Variants in USP9Y observed in about 807,000 individuals in gnomAD.
USP9Y encodes ubiquitin carboxyl-terminal hydrolase 9Y.
A neutral mutation model predicts 53.1 loss-of-function variants in USP9Y; 41 were observed. The observed-to-expected ratio is 0.77, with a 90% CI of 0.60 to 1.00. The LOEUF (loss-of-function observed/expected upper bound fraction) is 1.00, where lower values mean the gene tolerates loss of function less well. Among genes scored for constraint, USP9Y ranks in the 50% least tolerant of loss-of-function variants. USP9Y has a pLI of 0.00. For missense variants in USP9Y, 567 were observed against 535.8 expected, an observed-to-expected ratio of 1.06 and a Z score of -0.58; for synonymous variants, 220 against 173.7, an observed-to-expected ratio of 1.27 and a Z score of -2.09.
chrY:12,814,693 A>G, intron 31 of USP9Y, among the ~76,000 whole-genome samples: 2 of 32,898 alleles, frequency 6.1e-5, no homozygotes, highest in African/African-American at 2.4e-4. Context: ...CTATGCATTT[A>G]TATGTATGTA....
At chrY:12,776,946 A>G in intron 19 of USP9Y, 86 bp downstream of exon 19, 2 of 212,301 alleles carry the variant, frequency 9.4e-6, no homozygotes, top group Middle Eastern at 1.2e-3. Context: ...TAATAGGTTA[A>G]AAGGAAAGTG....
intron 12 of USP9Y, among the ~76,000 whole-genome samples, chrY:12,745,100 C>A: frequency 3.0e-5 from 1 of 33,754 alleles, no homozygotes; most frequent in Non-Finnish European, 7.4e-5. Context: ...AAGTCAATGA[C>A]AGATATGTGA....
intron 12 of USP9Y, among the ~76,000 whole-genome samples, chrY:12,746,739 T>TC (rs2053460958): frequency 3.5e-5 from 1 of 28,942 alleles, no homozygotes; most frequent in South Asian, 8.3e-4. Flanking sequence ...GGAATTTTTT[T>TC]TTTTTTTTTT....
rs562517570 is a variant in USP9Y, at chrY:12,795,683, A to G, written c.3983+2482A>G. ...ATGCGAAACAAAGTTTATTTGTGCT[A>G]AACAAGTGGATTATTCATGGGTTTT... On this transcript the variant is annotated intron_variant, in intron 27 of 45. Coordinates refer to ENST00000338981, the MANE Select transcript of USP9Y (RefSeq NM_004654.4). 5.9e-3 allele frequency among the ~76,000 whole-genome samples: 198 copies of G among 33,385 alleles called. No homozygotes were observed. In the South Asian group the frequency reaches 0.13, roughly 22 times the overall value. The allele number at this position is 33,385 out of a possible 37,273, so 89.6% of individuals were successfully genotyped here.
chrY:12,792,286 A>G (rs947323783), intron 26 of USP9Y, among the ~76,000 whole-genome samples: 3 of 34,035 alleles, frequency 8.8e-5, no homozygotes, highest in Non-Finnish European at 1.5e-4. Flanking sequence ...GTCTCAATCA[A>G]TCAATCAATC....
intron 7 of USP9Y, among the ~76,000 whole-genome samples, chrY:12,727,503 A>G (rs962081972): frequency 1.5e-4 from 5 of 33,697 alleles, no homozygotes; most frequent in Non-Finnish European, 2.9e-4. Flanking sequence ...AGTCAAAGCT[A>G]TGGAAAAGTC....
intron 7 of USP9Y, among the ~76,000 whole-genome samples, chrY:12,730,968 G>A (rs2053446746): frequency 3.0e-5 from 1 of 32,911 alleles, no homozygotes; most frequent in Non-Finnish European, 7.5e-5. Context: ...CTTTTTTTCT[G>A]TATAATTTTC....
In USP9Y at chrY:12,860,321, T is replaced by C. The variant is rs2053583013; in HGVS notation, c.*905T>C. 3.0e-5 allele frequency: 1 copy of C among 32,989 alleles called. No homozygotes were observed. The highest frequency in any genetic ancestry group is 1.2e-4 in the African/African-American group (1 of 8,513). The allele number at this position is 32,989 out of a possible 400,897, so 8.2% of individuals were successfully genotyped here. A position where few individuals can be genotyped will look rare whatever the true frequency, so the allele number is the denominator to read the frequency against. On this transcript the variant is annotated 3_prime_UTR_variant, in exon 46 of 46. Coordinates refer to ENST00000338981, the MANE Select transcript of USP9Y (RefSeq NM_004654.4). Reference sequence around the variant, plus strand: ...CACAAAATTTTCCTATGTCAGAATGTGGTGGAGCATAATAGATTGTATTTG... The same window carrying C: ...CACAAAATTTTCCTATGTCAGAATGCGGTGGAGCATAATAGATTGTATTTG...
At chrY:12,753,682 G>GTCAAAT (rs2053465946) in intron 12 of USP9Y, among the ~76,000 whole-genome samples, 7 of 33,256 alleles carry the variant, frequency 2.1e-4, no homozygotes, top group Admixed American at 1.6e-3. Context: ...TGTCTAGGCT[G>GTCAAAT]TCAAATTATA....
At chrY:12,814,629 A>G in intron 31 of USP9Y, among the ~76,000 whole-genome samples, 2 of 32,747 alleles carry the variant, frequency 6.1e-5, no homozygotes, top group African/African-American at 2.4e-4. Flanking sequence ...ATACATGTTA[A>G]CAGTTATTAA....
intron 32 of USP9Y, among the ~76,000 whole-genome samples, chrY:12,817,263 G>GA (rs2053537374): frequency 3.1e-5 from 1 of 32,528 alleles, no homozygotes; most frequent in African/African-American, 1.2e-4. Context: ...CATCTGAAAA[G>GA]AAAAAAAAAT....
intron 13 of USP9Y, among the ~76,000 whole-genome samples, chrY:12,757,687 C>T (rs2053470485): frequency 3.0e-5 from 1 of 32,829 alleles, no homozygotes; most frequent in Non-Finnish European, 7.5e-5. Flanking sequence ...GGGCTTTCAC[C>T]GTGTTAGCCA....
chrY:12,741,204 GA>G (rs2053456891), intron 12 of USP9Y, among the ~76,000 whole-genome samples: 1 of 29,801 alleles, frequency 3.4e-5, no homozygotes, highest in Non-Finnish European at 8.2e-5. Flanking sequence ...TGTCACAAAA[GA>G]AAAAAAAAAT....
At chrY:12,797,722 C>T (rs1356173415) in intron 27 of USP9Y, among the ~76,000 whole-genome samples, 2 of 33,660 alleles carry the variant, frequency 5.9e-5, no homozygotes. Context: ...GAAAGCTTTG[C>T]AGAGCTGTTT....
intron 10 of USP9Y, among the ~76,000 whole-genome samples, chrY:12,737,589 T>C: frequency 3.0e-5 from 1 of 33,598 alleles, no homozygotes; most frequent in African/African-American, 1.2e-4. Context: ...ATTTGCCTGC[T>C]TTGTGGAATG....
chrY:12,745,126 A>C (rs890416429), intron 12 of USP9Y, among the ~76,000 whole-genome samples: 3 of 34,084 alleles, frequency 8.8e-5, no homozygotes, highest in African/African-American at 3.4e-4. Flanking sequence ...TTGGAACATA[A>C]TTTCCCTTTT....
At chrY:12,788,833 G>T (rs866740236) in intron 24 of USP9Y, among the ~76,000 whole-genome samples, 6 of 27,730 alleles carry the variant, frequency 2.2e-4, no homozygotes, top group East Asian at 9.3e-4. Context: ...TGATGCTCCT[G>T]CCCCAGCCTC....
At chrY:12,798,865 AT>A (rs2053516018) in intron 27 of USP9Y, among the ~76,000 whole-genome samples, 25 of 21,747 alleles carry the variant, frequency 1.1e-3, no homozygotes, top group African/African-American at 3.6e-3. Context: ...CCCCACCCTA[AT>A]TTTTTTTTTT....
rs946788667 is a variant in USP9Y, at chrY:12,708,698, G to A, written c.-61+5G>A. On this transcript the variant is annotated splice_donor_5th_base_variant and intron_variant, in intron 2 of 45. Transcript: ENST00000338981. Reference sequence around the variant, plus strand: ...AGGCCTTTCACAGATTCTTCTGTAAGTTAAAAATGACAACCAAGAAGCTTA... The same window carrying A: ...AGGCCTTTCACAGATTCTTCTGTAAATTAAAAATGACAACCAAGAAGCTTA... 6 of 33,188 alleles carry A rather than the reference G, an allele frequency of 1.8e-4. No homozygotes were observed. Among genetic ancestry groups the A allele is most frequent in the Non-Finnish European group, 4.4e-4 (6 of 13,494 alleles). The allele number at this position is 33,188 out of a possible 400,897, so 8.3% of individuals were successfully genotyped here.
Sources: gnomAD v4.1 joint callset for allele counts (sites outside exome capture counted in the v4.1 genomes callset) on GRCh38, gnomAD v4.1.1 for gene constraint, MANE v1.5 for transcripts, NCBI Gene and HGNC (gene_info 2026-07-23, HGNC 2026-07-21) for gene names.